ADAMTS9: variants seen among roughly 807,000 people sequenced by gnomAD.
The protein encoded by ADAMTS9 is ADAM metallopeptidase with thrombospondin type 1 motif 9.
A neutral mutation model predicts 257.1 loss-of-function variants in ADAMTS9; 107 were observed. The ratio of observed to expected loss-of-function variants is 0.42; its 90% confidence interval spans 0.36 to 0.49. The LOEUF (loss-of-function observed/expected upper bound fraction) is 0.49, where lower values mean the gene tolerates loss of function less well. ADAMTS9 is among the 20% of genes least tolerant of loss of function. ADAMTS9 has a pLI of 0.03. For synonymous variants in ADAMTS9, 982 were observed against 880.9 expected, an observed-to-expected ratio of 1.11 and a Z score of -2.03; for missense variants, 2,353 against 2,469.1, an observed-to-expected ratio of 0.95 and a Z score of 1.00.
intron 16 of ADAMTS9, among the ~76,000 whole-genome samples, chr3:64,629,847 T>G (rs1700324812): frequency 6.6e-6 from 1 of 152,208 alleles, no homozygotes; most frequent in African/African-American, 2.4e-5. Context: ...TGTATAAATA[T>G]CATACTTGAT....
intron 2 of ADAMTS9, among the ~76,000 whole-genome samples, chr3:64,683,707 ATCTTT>A (rs1216193902): frequency 6.6e-6 from 1 of 152,228 alleles, no homozygotes; most frequent in Non-Finnish European, 1.5e-5. Flanking sequence ...CCTAAGAGTT[ATCTTT>A]TCTTGGTTAA....
chr3:64,634,024 C>A (rs904005907), intron 12 of ADAMTS9, 145 bp from the exon 13 acceptor site: 1 of 737,612 alleles, frequency 1.4e-6, no homozygotes. Context: ...AGCTCTGATC[C>A]CTGGTTTTGC....
chr3:64,530,863 C>T (rs2082972387), intron 38 of ADAMTS9, among the ~76,000 whole-genome samples: 1 of 152,186 alleles, frequency 6.6e-6, no homozygotes, highest in South Asian at 2.1e-4. Context: ...TTCTGGGTCA[C>T]TGAAACATAC....
intron 28 of ADAMTS9, chr3:64,568,908 T>C (rs1485815229): frequency 5.0e-6 from 1 of 198,922 alleles, no homozygotes; most frequent in African/African-American, 2.4e-5. Context: ...ATTCACTGAC[T>C]GGGATAAAGG....
rs377320318 is a variant in ADAMTS9 at position 64,615,979 on chromosome 3, C to T, written c.3005G>A (p.Arg1002His). 2.5e-5 allele frequency: 40 copies of T among 1,613,302 alleles called. No homozygotes were observed. The African/African-American group carries it at 2.7e-4, about 11-fold the overall frequency. Reference sequence around the variant, plus strand: ...ACTTACTTCAGTCCAGGCAGAATAGCGCCAGCCACCCGTGTTACATTCCCC... The same window carrying T: ...ACTTACTTCAGTCCAGGCAGAATAGTGCCAGCCACCCGTGTTACATTCCCC... ...CSGECNTGGW[R>H]YSAWTECSKS... Residue 1002 changes from arginine to histidine, a missense_variant, in exon 20 of 40, where the codon CGC becomes CAC. Physicochemically the swap from Arg to His is conservative, Grantham distance 29. Around this residue, in one of 3 missense-constraint regions of ADAMTS9, gnomAD observed 1,402 missense variants for 1,441.4 expected, o/e 0.97. Transcript: ENST00000498707.
chr3:64,527,600 G>A (rs531022363), intron 38 of ADAMTS9, among the ~76,000 whole-genome samples: 53 of 152,110 alleles, frequency 3.5e-4, no homozygotes, highest in Admixed American at 3.1e-3. Context: ...AAGATTACAT[G>A]CAATGAAATT....
At chr3:64,604,399 T>TG in intron 23 of ADAMTS9, 68 bp from the exon 24 acceptor site, 1 of 1,164,460 alleles carries the variant, frequency 8.6e-7, no homozygotes, top group East Asian at 2.4e-5. Flanking sequence ...GTAATGGTCA[T>TG]GGTGGATAAA....
intron 38 of ADAMTS9, among the ~76,000 whole-genome samples, chr3:64,523,946 G>T (rs1254453500): frequency 1.3e-5 from 2 of 152,152 alleles, no homozygotes; most frequent in African/African-American, 4.8e-5. Context: ...CTTCAGAGTT[G>T]ATCATGTTTC....
chr3:64,587,943 C>T (rs1037825347), intron 28 of ADAMTS9: 1 of 152,094 alleles, frequency 6.6e-6, no homozygotes, highest in African/African-American at 2.4e-5. Context: ...AGGCCAAGGA[C>T]CCAGCAGGGA....
intron 3 of ADAMTS9, among the ~76,000 whole-genome samples, chr3:64,678,777 G>A (rs1451075089): frequency 1.3e-5 from 2 of 152,190 alleles, no homozygotes; most frequent in Non-Finnish European, 2.9e-5. Context: ...GATACCTGCT[G>A]GTGAATCGTG....
chr3:64,559,730 T>C (rs2083388615), intron 30 of ADAMTS9, among the ~76,000 whole-genome samples: 2 of 152,226 alleles, frequency 1.3e-5, no homozygotes, highest in African/African-American at 2.4e-5. Context: ...CCTCAGTGCA[T>C]ATGTGGCAAG....
chr3:64,544,877 C>G lies in ADAMTS9; in HGVS notation c.5064+1881G>C, dbSNP rs2106918747. Among the ~76,000 whole-genome samples the G allele has an allele frequency of 2.6e-5, 4 of 152,244 alleles. No homozygotes were observed. In the East Asian group the frequency reaches 7.7e-4, roughly 29 times the overall value. On this transcript the variant is annotated intron_variant, in intron 32 of 39. Coordinates refer to ENST00000498707, the MANE Select transcript of ADAMTS9 (RefSeq NM_182920.2). ...TACAATCTACCCATCTGACAAAGGG[C>G]TAATATCCAGAATCTATGAAGAACT... is the stretch of plus-strand genomic sequence containing the variant.
chr3:64,652,133 T>C (rs1700946670), intron 8 of ADAMTS9, among the ~76,000 whole-genome samples: 1 of 152,184 alleles, frequency 6.6e-6, no homozygotes, highest in Non-Finnish European at 1.5e-5. Flanking sequence ...CCAATGCATG[T>C]AATTAATTTA....
chr3:64,615,944 G>C lies in ADAMTS9; in HGVS notation c.3024+16C>G. 6.2e-7 allele frequency: 1 copy of C among 1,612,376 alleles called. No homozygotes were observed. The highest frequency in any genetic ancestry group is 8.5e-7 in the Non-Finnish European group (1 of 1,179,856). On this transcript the variant is annotated intron_variant, in intron 20 of 39. Coordinates refer to ENST00000498707, the MANE Select transcript of ADAMTS9 (RefSeq NM_182920.2). ...GACAGCATCCAAGAAGACTCTTTGAGTGAGAGCCAACTTACTTCAGTCCAG... is the reference window on the plus strand; with the variant it reads ...GACAGCATCCAAGAAGACTCTTTGACTGAGAGCCAACTTACTTCAGTCCAG...
chr3:64,687,932 G>C lies in ADAMTS9; in HGVS notation c.-275C>G. On this transcript the variant is annotated 5_prime_UTR_variant, in exon 1 of 40. Transcript: ENST00000498707. This position sits in a 1 kb window ranked among gnomAD's most constrained non-coding sequence, Gnocchi z 4.4. ...AGGACTGGGGCTCGGCTGCTTGGCC[G>C]CATAATGCCCAGCGAGCGGGCAGGA... 3.4e-6 allele frequency: 1 copy of C among 290,508 alleles called. No homozygotes were observed. The highest frequency in any genetic ancestry group is 6.4e-6 in the Non-Finnish European group (1 of 156,766). The allele number at this position is 290,508 out of a possible 1,614,324, so 18.0% of individuals were successfully genotyped here.
intron 3 of ADAMTS9, among the ~76,000 whole-genome samples, chr3:64,674,561 A>T (rs563047131): frequency 1.4e-4 from 22 of 152,330 alleles, no homozygotes; most frequent in South Asian, 1.2e-3. Context: ...TGCCAAGTAC[A>T]CAGTTCCTTA....
chr3:64,643,655 G>A (rs1376781990), intron 11 of ADAMTS9, among the ~76,000 whole-genome samples: 1 of 151,334 alleles, frequency 6.6e-6, no homozygotes, highest in African/African-American at 2.4e-5. Context: ...TTAGGGGTGG[G>A]GGTCTTAGTA....
intron 16 of ADAMTS9, 32 bp from the exon 17 acceptor site, chr3:64,622,618 TCTG>T: frequency 6.2e-7 from 1 of 1,604,464 alleles, no homozygotes; most frequent in Non-Finnish European, 8.5e-7. Flanking sequence ...AATACATTGA[TCTG>T]CTGTCAATGA....
intron 4 of ADAMTS9, among the ~76,000 whole-genome samples, chr3:64,658,272 C>T (rs1398966984): frequency 6.6e-6 from 1 of 152,178 alleles, no homozygotes; most frequent in African/African-American, 2.4e-5. Context: ...CAAAATTATA[C>T]CTTTTAAGTA....
Sources: gnomAD v4.1 joint callset for allele counts (sites outside exome capture counted in the v4.1 genomes callset) on GRCh38, gnomAD v4.1.1 for gene constraint, gnomAD v4.1.1 regional missense constraint, Gnocchi (gnomAD v3.1) non-coding constraint, MANE v1.5 for transcripts, NCBI Gene and HGNC (gene_info 2026-07-23, HGNC 2026-07-21) for gene names.